CYP7B1: variants seen among roughly 807,000 people sequenced by gnomAD.
CYP7B1 encodes cytochrome P450 family 7 subfamily B member 1.
Under a neutral mutation model 42.7 loss-of-function variants are expected in CYP7B1, and 29 were observed. That is an observed-to-expected ratio of 0.68 (90% CI 0.51 to 0.93). CYP7B1 has a LOEUF of 0.93. CYP7B1 is among the 40% of genes least tolerant of loss of function. The probability of loss-of-function intolerance (pLI) is 0.00; values close to 1 mark genes in which losing one functional copy is unlikely to be tolerated. For synonymous variants in CYP7B1, 235 were observed against 218.2 expected, an observed-to-expected ratio of 1.08 and a Z score of -0.68; for missense variants, 655 against 600.5, an observed-to-expected ratio of 1.09 and a Z score of -0.95.
chr8:64,766,511 G>A (rs575951508), intron 1 of CYP7B1, among the ~76,000 whole-genome samples: 9 of 150,960 alleles, frequency 6.0e-5, no homozygotes, highest in Admixed American at 2.6e-4. Flanking sequence ...CGGGACAAAC[G>A]GGATTAAAAA....
intron 1 of CYP7B1, among the ~76,000 whole-genome samples, chr8:64,716,768 G>C (rs1807161318): frequency 6.6e-6 from 1 of 152,124 alleles, no homozygotes; most frequent in Admixed American, 6.6e-5. Flanking sequence ...ATTAAACTTT[G>C]TTTTATGAAC....
intron 4 of CYP7B1, 43 bp from the exon 5 acceptor site, chr8:64,604,900 G>C (rs745308698): frequency 2.6e-5 from 41 of 1,596,180 alleles, no homozygotes; most frequent in Non-Finnish European, 3.3e-5. Context: ...GATAGGGCTG[G>C]TCCTGAAAAC....
intron 1 of CYP7B1, among the ~76,000 whole-genome samples, chr8:64,775,640 A>G (rs1804312029): frequency 6.6e-6 from 1 of 152,132 alleles, no homozygotes; most frequent in Non-Finnish European, 1.5e-5. Context: ...AATATATATT[A>G]ACTGATAATT....
chr8:64,588,922 A>T (rs568852453), downstream of CYP7B1, among the ~76,000 whole-genome samples: 2 of 152,368 alleles, frequency 1.3e-5, no homozygotes, highest in South Asian at 4.1e-4. Flanking sequence ...CTGATGTATC[A>T]GGAAGCAGGG....
In CYP7B1 at chr8:64,625,947, C is replaced by T. The variant is rs973371868; in HGVS notation, c.123-1408G>A. On this transcript the variant is annotated intron_variant, in intron 1 of 5. Transcript: ENST00000310193. ...ATTATGGGATTTGAAGTTTTTTAAG[C>T]CACTTAAGTCTACTTAACATAGTAA... Among the ~76,000 whole-genome samples, 10 of 151,858 alleles carry T rather than the reference C, an allele frequency of 6.6e-5. 1 individual carries two copies. The highest frequency in any genetic ancestry group is 4.2e-4 in the South Asian group (2 of 4,808).
chr8:64,587,566 A>C (rs1397094808), downstream of CYP7B1, among the ~76,000 whole-genome samples: 1 of 152,178 alleles, frequency 6.6e-6, no homozygotes, highest in Non-Finnish European at 1.5e-5. Flanking sequence ...TTTAAACCCC[A>C]AAGAGCTGCT....
At position 64,592,072 on chromosome 8, in the gene CYP7B1, C is replaced by T. The variant is rs1357013302; in HGVS notation, c.*4570G>A. 6.6e-6 allele frequency among the ~76,000 whole-genome samples: 1 copy of T among 151,844 alleles called. No individual in the cohort carries two copies. Among genetic ancestry groups the T allele is most frequent in the African/African-American group, 2.4e-5 (1 of 41,318 alleles). ...GCATAGTGGTGGGTGCCTGTAGTCCCAGCTACTCGGAGGGCTGAGACAAGG... is the reference window on the plus strand; with the variant it reads ...GCATAGTGGTGGGTGCCTGTAGTCCTAGCTACTCGGAGGGCTGAGACAAGG... On this transcript the variant is annotated 3_prime_UTR_variant, in exon 6 of 6. Coordinates refer to ENST00000310193, the MANE Select transcript of CYP7B1 (RefSeq NM_004820.5).
At chr8:64,587,278 G>A (rs1161063931), downstream of CYP7B1, among the ~76,000 whole-genome samples, 2 of 152,306 alleles carry the variant, frequency 1.3e-5, no homozygotes, top group South Asian at 2.1e-4. Context: ...GGAGGGATTC[G>A]GGATCCGCAT....
intron 1 of CYP7B1, among the ~76,000 whole-genome samples, chr8:64,791,043 C>A (rs1353362001): frequency 6.6e-6 from 1 of 152,056 alleles, no homozygotes; most frequent in Non-Finnish European, 1.5e-5. Context: ...AACATAGAGT[C>A]CAGAAAATCA....
At chr8:64,606,663 A>C (rs1424260238) in intron 4 of CYP7B1, among the ~76,000 whole-genome samples, 1 of 152,216 alleles carries the variant, frequency 6.6e-6, no homozygotes, top group Non-Finnish European at 1.5e-5. Context: ...GTTAATCACA[A>C]TAATGGAGCG....
chr8:64,733,515 C>T (rs761778625), intron 1 of CYP7B1, among the ~76,000 whole-genome samples: 9 of 152,174 alleles, frequency 5.9e-5, no homozygotes, highest in Admixed American at 3.9e-4. Flanking sequence ...AGAATTTGAT[C>T]GCCAATCAGT....
At chr8:64,618,590 T>TCTCTCTCTC (rs1805482620) in intron 2 of CYP7B1, among the ~76,000 whole-genome samples, 1 of 38,890 alleles carries the variant, frequency 2.6e-5, no homozygotes, top group African/African-American at 9.8e-5. Flanking sequence ...CTCTCTCTCT[T>TCTCTCTCTC]TCTCTCTCTC....
rs1805074495 is a variant in CYP7B1 at position 64,593,754 on chromosome 8, A to G, written c.*2888T>C. On this transcript the variant is annotated 3_prime_UTR_variant, in exon 6 of 6. Transcript: ENST00000310193. ...ATAAACTACAGAATTAGATCCACAA[A>G]ACACCAATGATTTGGAAATATCAGA... Among the ~76,000 whole-genome samples, 1 of 152,226 alleles carries G rather than the reference A, an allele frequency of 6.6e-6. No individual in the cohort carries two copies. The highest frequency in any genetic ancestry group is 2.4e-5 in the African/African-American group (1 of 41,456).
chr8:64,681,703 C>T (rs1806541376), intron 1 of CYP7B1, among the ~76,000 whole-genome samples: 1 of 152,108 alleles, frequency 6.6e-6, no homozygotes, highest in African/African-American at 2.4e-5. Flanking sequence ...TGTGTGTGAG[C>T]TTGGAAGCAG....
Position 64,615,971 on chromosome 8 carries a change from C to T in CYP7B1, c.570G>A (p.Glu190=). The stretch of plus-strand genomic sequence containing the variant: ...TTCCATATATAGTTGTAAATGTGAT[C>T]TCAAATATTATTGAGCTGCAGAATG... The part of the protein sequence containing the change: ...LYPFCSSIIF[E]ITFTTIYGKV... Residue 190 remains glutamate, a synonymous_variant, in exon 3 of 6, where the codon GAG becomes GAA. Coordinates refer to ENST00000310193, the MANE Select transcript of CYP7B1 (RefSeq NM_004820.5). 6.2e-7 allele frequency: 1 copy of T among 1,613,664 alleles called. No homozygotes were observed. The highest frequency in any genetic ancestry group is 8.5e-7 in the Non-Finnish European group (1 of 1,179,824).
intron 1 of CYP7B1, among the ~76,000 whole-genome samples, chr8:64,628,471 A>C (rs6996960): frequency 1 from 151,764 of 152,132 alleles, 75,707 homozygotes; most frequent in Middle Eastern, 1. Context: ...CACAGTCAAA[A>C]CCTTTCTCTA....
chr8:64,649,345 T>C (rs1235887483), intron 1 of CYP7B1, among the ~76,000 whole-genome samples: 1 of 152,252 alleles, frequency 6.6e-6, no homozygotes, highest in Non-Finnish European at 1.5e-5. Context: ...TTTGTTAATA[T>C]AAAATCCTCA....
intron 1 of CYP7B1, among the ~76,000 whole-genome samples, chr8:64,750,317 C>T (rs190547288): frequency 3.3e-5 from 5 of 152,316 alleles, no homozygotes; most frequent in Admixed American, 1.3e-4. Context: ...TCTAGATCTA[C>T]TGACCCAAAT....
chr8:64,775,576 A>G (rs1190915187), intron 1 of CYP7B1, among the ~76,000 whole-genome samples: 2 of 152,164 alleles, frequency 1.3e-5, no homozygotes, highest in African/African-American at 4.8e-5. Context: ...AGAGATGAGT[A>G]AAAAATAGAC....
Sources: allele counts gnomAD v4.1 joint callset (sites outside exome capture counted in the v4.1 genomes callset), GRCh38; gene constraint gnomAD v4.1.1; transcripts MANE v1.5; gene names NCBI Gene and HGNC (gene_info 2026-07-23, HGNC 2026-07-21).